Variants in LRRC4C observed in about 807,000 individuals in gnomAD.
LRRC4C encodes leucine rich repeat containing 4C.
Under a neutral mutation model 33.6 loss-of-function variants are expected in LRRC4C, and 5 were observed. That is an observed-to-expected ratio of 0.15 (90% confidence interval 0.08 to 0.31). LRRC4C has a LOEUF of 0.31. LRRC4C is among the 10% of genes least tolerant of loss of function. The pLI is 1.00. For synonymous variants in LRRC4C, 329 were observed against 302.0 expected (o/e 1.09, Z -0.93); for missense variants, 560 against 796.7 (o/e 0.70, Z 3.58).
intron 3 of LRRC4C, among the ~76,000 whole-genome samples, chr11:40,451,964 A>C (rs10837416): frequency 0.43 from 65,740 of 151,826 alleles, 14,617 homozygotes; most frequent in East Asian, 0.55. Context: ...TGCAGCACAC[A>C]GAGCTTGAGC....
chr11:40,976,814 G>T (rs1016906850), intron 1 of LRRC4C, among the ~76,000 whole-genome samples: 1 of 152,038 alleles, frequency 6.6e-6, no homozygotes, highest in Non-Finnish European at 1.5e-5. Flanking sequence ...CAACATTTTT[G>T]CACCAGGAAC....
At chr11:40,317,834 T>C (rs904238471) in intron 4 of LRRC4C, among the ~76,000 whole-genome samples, 3 of 152,112 alleles carry the variant, frequency 2.0e-5, no homozygotes, top group African/African-American at 7.2e-5. Context: ...AGAGGAAAGA[T>C]GAGAGAAACC....
At position 40,117,553 on chromosome 11, in the gene LRRC4C, A is replaced by G. The variant is rs369491020; in HGVS notation, c.-42-1219T>C. 4.6e-5 allele frequency among the ~76,000 whole-genome samples: 7 copies of G among 152,262 alleles called. No homozygotes were observed. The East Asian group carries it at 1.2e-3, about 25-fold the overall frequency. On this transcript the variant is annotated intron_variant, in intron 6 of 6. Coordinates refer to ENST00000528697, the MANE Select transcript of LRRC4C (RefSeq NM_001258419.2). Reference sequence around the variant, plus strand: ...TCATCTCCTGCATCTCTTGTGGCCAAAGGAAGTCTTCCAAAGGAGCTTATG... The same window carrying G: ...TCATCTCCTGCATCTCTTGTGGCCAGAGGAAGTCTTCCAAAGGAGCTTATG...
intron 2 of LRRC4C, among the ~76,000 whole-genome samples, chr11:40,768,860 G>A (rs1949612039): frequency 6.6e-6 from 1 of 152,072 alleles, no homozygotes; most frequent in South Asian, 2.1e-4. Context: ...ACATATGACA[G>A]ACCCACAGCT....
chr11:40,897,074 G>C, intron 2 of LRRC4C, among the ~76,000 whole-genome samples: 1 of 152,150 alleles, frequency 6.6e-6, no homozygotes, highest in East Asian at 1.9e-4. Flanking sequence ...TAACAAAAGA[G>C]AAATTTGCAA....
intron 1 of LRRC4C, among the ~76,000 whole-genome samples, chr11:41,056,932 C>T (rs1288833767): frequency 6.6e-6 from 1 of 152,190 alleles, no homozygotes; most frequent in African/African-American, 2.4e-5. Context: ...GTGGGAACCC[C>T]ACCCCTACTC....
intron 4 of LRRC4C, among the ~76,000 whole-genome samples, chr11:40,249,693 A>G (rs764675456): frequency 4.6e-5 from 7 of 152,008 alleles, no homozygotes; most frequent in Non-Finnish European, 1.0e-4. Flanking sequence ...GTTTTCTGAT[A>G]TCTCTGAATA....
intron 3 of LRRC4C, among the ~76,000 whole-genome samples, chr11:40,501,237 T>C (rs986229315): frequency 1.3e-5 from 2 of 152,154 alleles, no homozygotes; most frequent in Non-Finnish European, 2.9e-5. Context: ...CAAGCTGCTG[T>C]GAGAGTCTGT....
chr11:40,778,173 T>C (rs527689264), intron 2 of LRRC4C, among the ~76,000 whole-genome samples: 1 of 152,314 alleles, frequency 6.6e-6, no homozygotes, highest in South Asian at 2.1e-4. Context: ...GTACTCAAAT[T>C]TTTTGTGGTG....
intron 3 of LRRC4C, among the ~76,000 whole-genome samples, chr11:40,558,944 G>A (rs1957437336): frequency 6.6e-6 from 1 of 152,100 alleles, no homozygotes; most frequent in African/African-American, 2.4e-5. Flanking sequence ...ACTTGTAAGT[G>A]AGAACATGCA....
At chr11:41,173,702 A>G (rs1418380425) in intron 1 of LRRC4C, among the ~76,000 whole-genome samples, 2 of 152,072 alleles carry the variant, frequency 1.3e-5, no homozygotes, top group Non-Finnish European at 2.9e-5. Context: ...TTCTTCCGAT[A>G]TTCCTTTGTA....
At chr11:40,832,403 A>G (rs2135555477) in intron 2 of LRRC4C, among the ~76,000 whole-genome samples, 1 of 152,338 alleles carries the variant, frequency 6.6e-6, no homozygotes, top group East Asian at 1.9e-4. Flanking sequence ...AACAAATGTA[A>G]AGATACATTT....
intron 1 of LRRC4C, among the ~76,000 whole-genome samples, chr11:40,991,391 T>C (rs956925748): frequency 1.3e-5 from 2 of 152,104 alleles, no homozygotes; most frequent in African/African-American, 2.4e-5. Flanking sequence ...CAAGTTAGGC[T>C]AATGCCTTAT....
At chr11:40,309,782 C>G (rs922954295) in intron 4 of LRRC4C, among the ~76,000 whole-genome samples, 3 of 152,140 alleles carry the variant, frequency 2.0e-5, no homozygotes, top group Non-Finnish European at 2.9e-5. Context: ...GCTGGGATGA[C>G]AGGCAAGAGA....
chr11:40,652,488 C>T (rs1390178), intron 2 of LRRC4C, among the ~76,000 whole-genome samples: 57,154 of 151,962 alleles, frequency 0.38, 11,816 homozygotes, highest in East Asian at 0.61. Flanking sequence ...TTTCTATAGA[C>T]AAGAAAAATG....
chr11:41,381,594 T>C (rs1387289961), intron 1 of LRRC4C, among the ~76,000 whole-genome samples: 1 of 146,632 alleles, frequency 6.8e-6, no homozygotes, highest in Non-Finnish European at 1.5e-5. Context: ...GCCACTGTAC[T>C]CCAGCCTGGG....
chr11:41,377,459 T>G lies in LRRC4C; in HGVS notation c.-496+81972A>C, dbSNP rs1952978807. Among the ~76,000 whole-genome samples, 4 of 152,166 alleles carry G rather than the reference T, an allele frequency of 2.6e-5. No homozygotes were observed. The South Asian group carries it at 6.2e-4, about 24-fold the overall frequency. On this transcript the variant is annotated intron_variant, in intron 1 of 6. Transcript: ENST00000528697. ...TTAGATTAGCAGTAGCATGGACAGT[T>G]CCACCAGTACCAGTTATTTTTTCAA...
intron 5 of LRRC4C, among the ~76,000 whole-genome samples, chr11:40,213,009 A>G (rs1373944975): frequency 2.0e-5 from 3 of 152,110 alleles, no homozygotes; most frequent in African/African-American, 4.8e-5. Context: ...TAGGCCAAAC[A>G]TCTCAGAACC....
At chr11:40,997,822 G>A (rs2137335694) in intron 1 of LRRC4C, among the ~76,000 whole-genome samples, 1 of 152,184 alleles carries the variant, frequency 6.6e-6, no homozygotes, top group East Asian at 1.9e-4. Context: ...GTTGTGAGAT[G>A]TATATTAATA....
Sources: gnomAD v4.1 joint callset for allele counts (sites outside exome capture counted in the v4.1 genomes callset) on GRCh38, gnomAD v4.1.1 for gene constraint, MANE v1.5 for transcripts, NCBI Gene and HGNC (gene_info 2026-07-23, HGNC 2026-07-21) for gene names.